Variants in DOP1A observed in about 807,000 individuals in gnomAD.
The protein encoded by DOP1A is protein DOP1A.
Under a neutral mutation model 267.6 loss-of-function variants are expected in DOP1A, and 90 were observed. The ratio of observed to expected loss-of-function variants is 0.34; its 90% CI spans 0.28 to 0.40. DOP1A has a LOEUF of 0.40. DOP1A is among the 10% of genes least tolerant of loss of function. The pLI, the probability that DOP1A is intolerant of heterozygous loss-of-function variation, is 1.00. For synonymous variants in DOP1A, 932 were observed against 999.1 expected (o/e 0.93, Z 1.27); for missense variants, 2,437 against 2,900.4 (o/e 0.84, Z 3.67).
In DOP1A at chr6:83,100,797, T is replaced by C. The variant is rs1184772050; in HGVS notation, c.231T>C (p.Gly77=). 3.8e-6 allele frequency: 6 copies of C among 1,595,456 alleles called. No individual in the cohort carries two copies. The highest frequency in any genetic ancestry group is 1.7e-5 in the Admixed American group (1 of 58,924). ...LAQCLHPALP[G]GVHRKALETY... ...AATGTCTACATCCAGCATTACCAGGTGGAGTTCATCGGAAGGCGCTTGAAA... is the reference window on the plus strand; with the variant it reads ...AATGTCTACATCCAGCATTACCAGGCGGAGTTCATCGGAAGGCGCTTGAAA... Residue 77 remains glycine, a synonymous_variant, in exon 4 of 39, where the codon GGT becomes GGC. Transcript: ENST00000349129.
chr6:83,159,838 A>G lies in DOP1A; in HGVS notation c.6840A>G (p.Thr2280=), dbSNP rs766151881. ...PSVAGLETTY[T]GGNGFSTSYN... is the part of the protein sequence containing the mutation. ...TGGCTGGTCTGGAGACAACGTACAC[A>G]GGAGGTAATGGCTTCTCTACTTCAT... Residue 2280 remains threonine, a synonymous_variant, in exon 37 of 39, where the codon ACA becomes ACG. Coordinates refer to ENST00000349129, the MANE Select transcript of DOP1A (RefSeq NM_015018.4). 4 of 1,614,054 alleles carry G rather than the reference A, an allele frequency of 2.5e-6. No individual in the cohort carries two copies. The highest frequency in any genetic ancestry group is 3.4e-6 in the Non-Finnish European group (4 of 1,180,054).
rs1562319849 is a variant in DOP1A at position 83,119,742 on chromosome 6, A to G, written c.881-6A>G. Reference sequence around the variant, plus strand: ...TTAAGTAATTTTGTGATTTGTTTCCATGGAGGTTTTGATAACAACGGTGCT... The same window carrying G: ...TTAAGTAATTTTGTGATTTGTTTCCGTGGAGGTTTTGATAACAACGGTGCT... On this transcript the variant is annotated splice_polypyrimidine_tract_variant and splice_region_variant and intron_variant, in intron 8 of 38. Transcript: ENST00000349129. The G allele has an allele frequency of 1.2e-6, 2 of 1,607,346 alleles. No homozygotes were observed. The highest frequency in any genetic ancestry group is 1.7e-5 in the Admixed American group (1 of 58,998).
At chr6:83,144,526 G>T (rs9449580) in intron 24 of DOP1A, among the ~76,000 whole-genome samples, 2,692 of 152,110 alleles carry the variant, frequency 0.018, 73 homozygotes, top group African/African-American at 0.061. Flanking sequence ...ACAAAAAGTT[G>T]TACCATAAAA....
At chr6:83,163,236 T>C (rs1420722096) in intron 38 of DOP1A, among the ~76,000 whole-genome samples, 1 of 152,196 alleles carries the variant, frequency 6.6e-6, no homozygotes, top group African/African-American at 2.4e-5. Flanking sequence ...ACCATACATG[T>C]GAGTATTTAA....
intron 7 of DOP1A, among the ~76,000 whole-genome samples, chr6:83,114,435 ATAAGT>A (rs577374098): frequency 3.9e-4 from 59 of 152,348 alleles, no homozygotes; most frequent in African/African-American, 1.4e-3. Context: ...ACAGCAGCTC[ATAAGT>A]TAAGAAAGAT....
intron 8 of DOP1A, 71 bp from the exon 9 acceptor site, chr6:83,119,677 G>T (rs1233943954): frequency 4.8e-5 from 63 of 1,304,536 alleles, no homozygotes; most frequent in Non-Finnish European, 6.7e-5. Flanking sequence ...AGATTTTGCT[G>T]TTTTGGTATT....
intron 15 of DOP1A, among the ~76,000 whole-genome samples, chr6:83,126,188 C>A (rs1777126523): frequency 6.7e-6 from 1 of 150,128 alleles, no homozygotes; most frequent in Non-Finnish European, 1.5e-5. Flanking sequence ...ACAAAAGAGG[C>A]TAAAACAAAG....
intron 1 of DOP1A, among the ~76,000 whole-genome samples, chr6:83,082,310 A>C (rs150516508): frequency 1.4e-4 from 22 of 152,350 alleles, no homozygotes; most frequent in African/African-American, 5.3e-4. Flanking sequence ...GTTTATATAC[A>C]TGATGGAATG....
chr6:83,164,414 C>T lies in DOP1A; in HGVS notation c.7092+1495C>T, dbSNP rs80051168. On this transcript the variant is annotated intron_variant, in intron 38 of 38. Transcript: ENST00000349129. ...ATGACAAATCCAGAAGCAAATATGA[C>T]CCCAGGCACATGTCCTTTTCTGTTA... Among the ~76,000 whole-genome samples the T allele has an allele frequency of 1.7e-3, 257 of 151,886 alleles. 2 individuals carry two copies. The highest frequency in any genetic ancestry group is 5.9e-3 in the African/African-American group (245 of 41,410).
chr6:83,167,812 T>C, intron 38 of DOP1A, 50 bp from the exon 39 acceptor site: 2 of 1,531,918 alleles, frequency 1.3e-6, no homozygotes, highest in Non-Finnish European at 1.7e-6. Flanking sequence ...TTTTCTAACA[T>C]ACCACATTGT....
At chr6:83,150,110 C>G (rs1781348379) in intron 27 of DOP1A, among the ~76,000 whole-genome samples, 1 of 152,174 alleles carries the variant, frequency 6.6e-6, no homozygotes, top group Non-Finnish European at 1.5e-5. Context: ...TGCGGTGGCT[C>G]ATGCCTGCAA....
intron 4 of DOP1A, among the ~76,000 whole-genome samples, chr6:83,106,683 G>T (rs980557733): frequency 2.6e-5 from 4 of 151,962 alleles, no homozygotes; most frequent in Non-Finnish European, 5.9e-5. Flanking sequence ...GGTGGTGAGT[G>T]CCTGTAATAC....
At chr6:83,150,277 A>G (rs570181441) in intron 27 of DOP1A, among the ~76,000 whole-genome samples, 2 of 152,316 alleles carry the variant, frequency 1.3e-5, no homozygotes, top group South Asian at 2.1e-4. Flanking sequence ...AGGAGTTGTC[A>G]TAAGGTTCAG....
At chr6:83,151,312 G>A (rs1018439168) in intron 27 of DOP1A, among the ~76,000 whole-genome samples, 1 of 151,984 alleles carries the variant, frequency 6.6e-6, no homozygotes, top group Admixed American at 6.6e-5. Flanking sequence ...GCACCACCAC[G>A]CCTGGCCACA....
chr6:83,094,454 G>A (rs920377000), intron 1 of DOP1A, among the ~76,000 whole-genome samples: 2 of 152,190 alleles, frequency 1.3e-5, no homozygotes, highest in Admixed American at 1.3e-4. Context: ...GTAATTCTAT[G>A]TTGAACCTTG....
In DOP1A at chr6:83,137,194, C is replaced by T; in HGVS notation, c.3152C>T (p.Thr1051Ile). The T allele has an allele frequency of 1.9e-6, 3 of 1,570,712 alleles. No homozygotes were observed. Among genetic ancestry groups the T allele is most frequent in the Non-Finnish European group, 2.6e-6 (3 of 1,158,436 alleles). The change falls in exon 21 of 39, where the codon ACA (threonine) becomes ATA (isoleucine). Residue 1051 changes from threonine to isoleucine, a missense_variant. This residue lies in a region of DOP1A where 878 missense variants were observed against 992.9 expected (regional missense o/e 0.88). Coordinates refer to ENST00000349129, the MANE Select transcript of DOP1A (RefSeq NM_015018.4). The stretch of plus-strand genomic sequence containing the variant: ...TCAGTGAGCCAAGTACAACTCATCA[C>T]ATCAAAAGGAAATGGTGAAAAGCCA... Reference protein sequence around the residue: ...CSNVSQVQLITSKGNGEKPLT... With the variant: ...CSNVSQVQLIISKGNGEKPLT...
At chr6:83,078,311 A>T (rs1022429181) in intron 1 of DOP1A, among the ~76,000 whole-genome samples, 8 of 152,220 alleles carry the variant, frequency 5.3e-5, no homozygotes, top group Non-Finnish European at 1.2e-4. Flanking sequence ...TTATACGCTA[A>T]GTTAACACTG....
rs943903550 is a variant in DOP1A at position 83,129,028 on chromosome 6, A to G, written c.1861A>G (p.Ser621Gly). ...DRTDDIDREL[S>G]EGQGAAAIPI... ...AACTGATGATATTGACAGAGAACTG[A>G]GTGAGGGCCAGGGGGCAGCTGCCAT... The change falls in exon 16 of 39, where the codon AGT becomes GGT. Residue 621 changes from serine to glycine, a missense_variant. Physicochemically the swap from Ser to Gly is moderately conservative, Grantham distance 56 (BLOSUM62 0). Around this residue, in one of 9 missense-constraint regions of DOP1A, gnomAD observed 498 missense variants for 513.5 expected, o/e 0.97. Transcript: ENST00000349129. 6.2e-7 allele frequency: 1 copy of G among 1,613,846 alleles called. No individual in the cohort carries two copies.
At chr6:83,154,644 C>T (rs1782375747) in intron 33 of DOP1A, among the ~76,000 whole-genome samples, 1 of 152,084 alleles carries the variant, frequency 6.6e-6, no homozygotes, top group Non-Finnish European at 1.5e-5. Flanking sequence ...CGAATCCAGC[C>T]TATCAGACAA....
Sources: allele counts gnomAD v4.1 joint callset (sites outside exome capture counted in the v4.1 genomes callset), GRCh38; gene constraint gnomAD v4.1.1; regional missense constraint gnomAD v4.1.1; transcripts MANE v1.5; gene names NCBI Gene and HGNC (gene_info 2026-07-23, HGNC 2026-07-21).